TMOD1: variants seen among roughly 807,000 people sequenced by gnomAD.
TMOD1 encodes the protein tropomodulin-1.
A neutral mutation model predicts 40.6 loss-of-function variants in TMOD1; 17 were observed. The ratio of observed to expected loss-of-function variants is 0.42; its 90% CI spans 0.29 to 0.63. The LOEUF (loss-of-function observed/expected upper bound fraction) is 0.63, where lower values mean the gene tolerates loss of function less well. TMOD1 is among the 20% of genes least tolerant of loss of function. The probability of loss-of-function intolerance (pLI) is 0.22; values close to 1 mark genes in which losing one functional copy is unlikely to be tolerated. For synonymous variants in TMOD1, 181 were observed against 175.0 expected (o/e 1.03, Z -0.27); for missense variants, 391 against 447.6 (o/e 0.87, Z 1.14).
intron 2 of TMOD1, among the ~76,000 whole-genome samples, chr9:97,543,980 G>C (rs1462656826): frequency 6.6e-6 from 1 of 152,090 alleles, no homozygotes; most frequent in African/African-American, 2.4e-5. Context: ...AGTCAGTCAG[G>C]CCTTGATTTT....
At chr9:97,568,812 G>A in intron 7 of TMOD1, 82 bp from the exon 8 acceptor site, 1 of 1,516,928 alleles carries the variant, frequency 6.6e-7, no homozygotes. Flanking sequence ...GTTCCCCTAG[G>A]TGTCTTAGGA....
At chr9:97,572,268 AC>A (rs1272462388) in intron 8 of TMOD1, among the ~76,000 whole-genome samples, 1 of 152,076 alleles carries the variant, frequency 6.6e-6, no homozygotes, top group East Asian at 1.9e-4. Context: ...GGCTCACGGT[AC>A]CCCCAGAGGA....
intron 8 of TMOD1, among the ~76,000 whole-genome samples, chr9:97,587,933 T>C (rs529134510): frequency 9.8e-5 from 15 of 152,354 alleles, no homozygotes; most frequent in African/African-American, 3.1e-4. Context: ...ATATCAGAAC[T>C]TTATTCCCTT....
chr9:97,518,839 T>C (rs1006148657), intron 1 of TMOD1, among the ~76,000 whole-genome samples: 4 of 152,140 alleles, frequency 2.6e-5, no homozygotes, highest in Admixed American at 2.6e-4. Flanking sequence ...CAGAATTTAG[T>C]GTAGAGGGAA....
chr9:97,560,088 C>T (rs957571435), intron 4 of TMOD1, among the ~76,000 whole-genome samples: 1 of 151,818 alleles, frequency 6.6e-6, no homozygotes, highest in African/African-American at 2.4e-5. Context: ...TAAGGGCTCC[C>T]ATATTGTCTC....
chr9:97,505,003 A>G (rs1829570846), intron 1 of TMOD1, among the ~76,000 whole-genome samples: 1 of 152,196 alleles, frequency 6.6e-6, no homozygotes, highest in Non-Finnish European at 1.5e-5. Flanking sequence ...ATTCCGGGCC[A>G]TTTCCTCTCT....
intron 1 of TMOD1, among the ~76,000 whole-genome samples, chr9:97,523,320 T>G (rs1829946751): frequency 6.6e-6 from 1 of 152,002 alleles, no homozygotes; most frequent in South Asian, 2.1e-4. Context: ...GCAGCAGAGG[T>G]GAACCCTGGT....
intron 2 of TMOD1, among the ~76,000 whole-genome samples, chr9:97,541,660 C>G (rs1830278007): frequency 6.7e-6 from 1 of 149,016 alleles, no homozygotes; most frequent in Non-Finnish European, 1.5e-5. Flanking sequence ...GGATTACAGG[C>G]ATGCACCACC....
intron 2 of TMOD1, among the ~76,000 whole-genome samples, chr9:97,524,611 A>C (rs1829975909): frequency 6.6e-6 from 1 of 151,950 alleles, no homozygotes; most frequent in African/African-American, 2.4e-5. Flanking sequence ...GACCAGCAAG[A>C]TCTGCAGTTG....
intron 4 of TMOD1, among the ~76,000 whole-genome samples, chr9:97,556,564 C>T (rs941695443): frequency 1.3e-5 from 2 of 152,166 alleles, no homozygotes; most frequent in African/African-American, 4.8e-5. Context: ...TTTCCATCAG[C>T]TCAGCTCTGG....
At chr9:97,564,595 T>C in intron 6 of TMOD1, among the ~76,000 whole-genome samples, 1 of 152,212 alleles carries the variant, frequency 6.6e-6, no homozygotes, top group East Asian at 1.9e-4. Context: ...CCCTCCCCTG[T>C]GCCATCGCTG....
intron 1 of TMOD1, among the ~76,000 whole-genome samples, chr9:97,510,118 A>G (rs971104167): frequency 1.8e-4 from 27 of 152,192 alleles, no homozygotes; most frequent in Admixed American, 3.3e-4. Context: ...ATACAAAAAC[A>G]TGTTTCATAA....
intron 8 of TMOD1, among the ~76,000 whole-genome samples, chr9:97,588,293 G>A (rs1368014467): frequency 2.0e-5 from 3 of 152,114 alleles, no homozygotes; most frequent in Non-Finnish European, 4.4e-5. Flanking sequence ...AGTCATCTTG[G>A]TATGTGTGAA....
At chr9:97,546,731 C>T (rs572204625) in intron 3 of TMOD1, among the ~76,000 whole-genome samples, 3 of 152,188 alleles carry the variant, frequency 2.0e-5, no homozygotes, top group African/African-American at 7.2e-5. Context: ...GAGTTCAAGA[C>T]CAGCCTGGCC....
chr9:97,580,038 G>C (rs1466931138), intron 8 of TMOD1, among the ~76,000 whole-genome samples: 6 of 152,122 alleles, frequency 3.9e-5, no homozygotes, highest in African/African-American at 1.4e-4. Flanking sequence ...GAAGGAGAGA[G>C]AGAAGGAAAG....
chr9:97,547,883 C>T (rs1338361065), intron 3 of TMOD1, among the ~76,000 whole-genome samples: 1 of 152,172 alleles, frequency 6.6e-6, no homozygotes, highest in South Asian at 2.1e-4. Flanking sequence ...CAGCATGCAG[C>T]CAGTGCGAGG....
chr9:97,549,633 A>C (rs1323546412), intron 3 of TMOD1, among the ~76,000 whole-genome samples: 1 of 152,196 alleles, frequency 6.6e-6, no homozygotes, highest in East Asian at 1.9e-4. Context: ...TGTTTTGCTG[A>C]TAGAGGTAAT....
At position 97,553,363 on chromosome 9, in the gene TMOD1, G is replaced by C; in HGVS notation, c.360G>C (p.Leu120Phe). 1 of 1,614,178 alleles carries C rather than the reference G, an allele frequency of 6.2e-7. No individual in the cohort carries two copies. The highest frequency in any genetic ancestry group is 1.7e-5 in the Admixed American group (1 of 60,026). The change falls in exon 4 of 10, where the codon TTG (leucine) becomes TTC (phenylalanine). Residue 120 changes from leucine (L) to phenylalanine (F), a missense_variant. Coordinates refer to ENST00000259365, the MANE Select transcript of TMOD1 (RefSeq NM_003275.4). The stretch of plus-strand genomic sequence containing the variant: ...TGGAACCGGAGCTGGAGGAAGCCTT[G>C]GCAAATGCTTCAGATGCAGAACTCT... The part of the protein sequence containing the change: ...VTLEPELEEA[L>F]ANASDAELCD...
chr9:97,549,072 G>A (rs546600395), intron 3 of TMOD1, among the ~76,000 whole-genome samples: 1 of 152,350 alleles, frequency 6.6e-6, no homozygotes, highest in South Asian at 2.1e-4. Flanking sequence ...TTTGGAAAGG[G>A]AGGCCTTCTC....
Sources: allele counts gnomAD v4.1 joint callset (sites outside exome capture counted in the v4.1 genomes callset), GRCh38; gene constraint gnomAD v4.1.1; transcripts MANE v1.5; gene names NCBI Gene and HGNC (gene_info 2026-07-23, HGNC 2026-07-21).